Variants in HMCN1 observed in about 807,000 individuals in gnomAD.
HMCN1 encodes hemicentin 1, also known as hemicentin-1.
HMCN1 carries 321 observed loss-of-function variants against 625.9 expected under a neutral mutation model. The observed-to-expected ratio is 0.51, with a 90% CI of 0.47 to 0.56. The LOEUF (loss-of-function observed/expected upper bound fraction) is 0.56. HMCN1 is among the 20% of genes least tolerant of loss of function. The probability of loss-of-function intolerance (pLI) is 0.00; values close to 1 mark genes in which losing one functional copy is unlikely to be tolerated. For synonymous variants in HMCN1, 2,425 were observed against 2,417.6 expected (o/e 1.00, Z -0.09); for missense variants, 6,588 against 6,887.3 (o/e 0.96, Z 1.54).
chr1:186,052,888 T>C, intron 42 of HMCN1, 64 bp from the exon 43 acceptor site: 1 of 1,360,412 alleles, frequency 7.4e-7, no homozygotes, highest in East Asian at 2.3e-5. Context: ...TTATCTTACA[T>C]GTAAACTGTT....
At chr1:185,901,204 T>A (rs886083439) in intron 4 of HMCN1, among the ~76,000 whole-genome samples, 7 of 151,846 alleles carry the variant, frequency 4.6e-5, no homozygotes, top group African/African-American at 1.7e-4. Context: ...TAGTCACAAT[T>A]ATACTCAAAA....
At chr1:185,878,534 A>G (rs932690308) in intron 4 of HMCN1, among the ~76,000 whole-genome samples, 4 of 152,008 alleles carry the variant, frequency 2.6e-5, no homozygotes, top group Admixed American at 2.0e-4. Flanking sequence ...TTGTTTATGT[A>G]TTTAGTGATT....
intron 1 of HMCN1, among the ~76,000 whole-genome samples, chr1:185,843,348 TG>T (rs1661608745): frequency 6.6e-6 from 1 of 152,162 alleles, no homozygotes; most frequent in African/African-American, 2.4e-5. Flanking sequence ...GGGACAGTGA[TG>T]GGAATGGTAA....
chr1:186,041,136 G>A lies in HMCN1; in HGVS notation c.6304G>A (p.Val2102Ile). 1 of 1,611,956 alleles carries A rather than the reference G, an allele frequency of 6.2e-7. No individual in the cohort carries two copies. The highest frequency in any genetic ancestry group is 8.5e-7 in the Non-Finnish European group (1 of 1,178,408). The change falls in exon 40 of 107, where the codon GTT becomes ATT. Residue 2102 changes from valine to isoleucine, a missense_variant and splice_region_variant. Val to Ile is a conservative substitution (Grantham distance 29, BLOSUM62 3). Around this residue, in one of 3 missense-constraint regions of HMCN1, gnomAD observed 4,628 missense variants for 4,853.1 expected, o/e 0.95. Coordinates refer to ENST00000271588, the MANE Select transcript of HMCN1 (RefSeq NM_031935.3). Reference protein sequence around the residue: ...KQRDIDLRVYVPPNIMGEEQN... With the variant: ...KQRDIDLRVYIPPNIMGEEQN... ...AAGGGACATTGACCTCCGAGTATATGGTGAGACATTTTAGTAATTAATTCT... is the reference window on the plus strand; with the variant it reads ...AAGGGACATTGACCTCCGAGTATATAGTGAGACATTTTAGTAATTAATTCT...
intron 36 of HMCN1, among the ~76,000 whole-genome samples, chr1:186,033,535 A>T (rs1225470094): frequency 2.0e-5 from 3 of 152,140 alleles, no homozygotes; most frequent in Admixed American, 2.0e-4. Context: ...AACAATGTGG[A>T]TGCTATGTAA....
At chr1:186,045,401 C>A (rs1253566481) in intron 40 of HMCN1, among the ~76,000 whole-genome samples, 3 of 152,142 alleles carry the variant, frequency 2.0e-5, no homozygotes, top group Non-Finnish European at 4.4e-5. Context: ...AAACCTTAAG[C>A]AGTAACATCT....
chr1:185,933,937 C>T (rs1667689045), intron 11 of HMCN1, 113 bp downstream of exon 11: 1 of 903,748 alleles, frequency 1.1e-6, no homozygotes, highest in African/African-American at 1.6e-5. Flanking sequence ...CAAATAATTA[C>T]AGTTTTAAGT....
chr1:186,188,901 T>C (rs1047890602), intron 106 of HMCN1, among the ~76,000 whole-genome samples: 2 of 152,176 alleles, frequency 1.3e-5, no homozygotes, highest in Admixed American at 6.6e-5. Flanking sequence ...ATTTTTTCCC[T>C]TCTTTATTAC....
chr1:186,128,626 G>A (rs1279204374), intron 83 of HMCN1, among the ~76,000 whole-genome samples: 2 of 152,024 alleles, frequency 1.3e-5, no homozygotes, highest in Non-Finnish European at 2.9e-5. Flanking sequence ...CTGATCAGTA[G>A]ATTAAGATGG....
chr1:185,876,750 T>C (rs1663960731), intron 4 of HMCN1, among the ~76,000 whole-genome samples: 1 of 152,118 alleles, frequency 6.6e-6, no homozygotes, highest in Admixed American at 6.6e-5. Flanking sequence ...CACATTTTAA[T>C]GTGCCCACTT....
intron 57 of HMCN1, 41 bp downstream of exon 57, chr1:186,083,002 G>C: frequency 8.2e-7 from 1 of 1,220,050 alleles, no homozygotes; most frequent in East Asian, 2.4e-5. Flanking sequence ...GGGTATGCTT[G>C]GAAAAGCAGA....
chr1:186,166,773 A>T (rs369797785), intron 99 of HMCN1, 35 bp from the exon 100 acceptor site: 28 of 1,613,818 alleles, frequency 1.7e-5, no homozygotes, highest in Non-Finnish European at 2.3e-5. Context: ...GGTGTTCTTC[A>T]GCTCACCTCA....
At position 185,918,966 on chromosome 1, in the gene HMCN1, G is replaced by A. The variant is rs1455287059; in HGVS notation, c.901-3413G>A. Among the ~76,000 whole-genome samples the A allele has an allele frequency of 5.3e-5, 8 of 151,950 alleles. No individual in the cohort carries two copies. The East Asian group carries it at 9.7e-4, about 18-fold the overall frequency. ...ATTCTGTGGTGGAAAGGTGCTTTTTGTAGCCATATTCTAATTTTAATATAA... is the reference window on the plus strand; with the variant it reads ...ATTCTGTGGTGGAAAGGTGCTTTTTATAGCCATATTCTAATTTTAATATAA... On this transcript the variant is annotated intron_variant, in intron 6 of 106. Transcript: ENST00000271588.
intron 4 of HMCN1, among the ~76,000 whole-genome samples, chr1:185,903,402 A>G (rs1429135433): frequency 6.6e-6 from 1 of 151,784 alleles, no homozygotes; most frequent in African/African-American, 2.4e-5. Flanking sequence ...CCTCCAGAGA[A>G]TAGTTTATCC....
chr1:186,115,011 G>C, intron 74 of HMCN1, 65 bp downstream of exon 74: 1 of 1,604,580 alleles, frequency 6.2e-7, no homozygotes, highest in African/African-American at 1.3e-5. Flanking sequence ...GCCTAAACTA[G>C]TGAGGTCATA....
At position 185,864,637 on chromosome 1, in the gene HMCN1, G is replaced by C; in HGVS notation, c.498+9G>C. On this transcript the variant is annotated intron_variant, in intron 3 of 106. Transcript: ENST00000271588. ...AACAGAAACAGTCACAAGTGAGTAA[G>C]AATCAACCCCAAACGTCTCTGTCTA... The C allele has an allele frequency of 6.2e-7, 1 of 1,613,656 alleles. No individual in the cohort carries two copies. Among genetic ancestry groups the C allele is most frequent in the Non-Finnish European group, 8.5e-7 (1 of 1,179,720 alleles).
chr1:185,947,077 G>A (rs905003705), intron 11 of HMCN1, among the ~76,000 whole-genome samples: 8 of 152,116 alleles, frequency 5.3e-5, no homozygotes, highest in Admixed American at 3.9e-4. Context: ...TGTGGGGGGC[G>A]GGTAAATCCA....
At chr1:185,890,839 G>A (rs1446136401) in intron 4 of HMCN1, among the ~76,000 whole-genome samples, 3 of 88,000 alleles carry the variant, frequency 3.4e-5, no homozygotes, top group Non-Finnish European at 6.3e-5. Flanking sequence ...GCTTGGTGCT[G>A]AGCTGAGTTC....
At chr1:185,962,199 G>C (rs1189190270) in intron 11 of HMCN1, among the ~76,000 whole-genome samples, 1 of 152,140 alleles carries the variant, frequency 6.6e-6, no homozygotes, top group East Asian at 1.9e-4. Flanking sequence ...CCTGGGAACA[G>C]GTTTATAGGG....
Sources: gnomAD v4.1 joint callset for allele counts (sites outside exome capture counted in the v4.1 genomes callset) on GRCh38, gnomAD v4.1.1 for gene constraint, gnomAD v4.1.1 regional missense constraint, MANE v1.5 for transcripts, NCBI Gene and HGNC (gene_info 2026-07-23, HGNC 2026-07-21) for gene names.